SMTNL1: variants seen among roughly 807,000 people sequenced by gnomAD.
The protein encoded by SMTNL1 is smoothelin-like protein 1.
SMTNL1 carries 41 observed loss-of-function variants against 46.6 expected under a neutral mutation model. The ratio of observed to expected loss-of-function variants is 0.88; its 90% CI spans 0.69 to 1.14. The LOEUF is 1.14. SMTNL1 is among the 50% of genes most tolerant of loss of function. The pLI, the probability that SMTNL1 is intolerant of heterozygous loss-of-function variation, is 0.00. For missense variants in SMTNL1, 591 were observed against 626.1 expected, an observed-to-expected ratio of 0.94 and a Z score of 0.60; for synonymous variants, 234 against 234.2, an observed-to-expected ratio of 1.00 and a Z score of 0.01.
intron 7 of SMTNL1, among the ~76,000 whole-genome samples, chr11:57,549,758 G>T (rs990747293): frequency 6.6e-6 from 1 of 152,156 alleles, no homozygotes; most frequent in Non-Finnish European, 1.5e-5. Context: ...GGAAGCCACA[G>T]CACCTGGCCT....
At chr11:57,539,367 A>T (rs1944856122) in intron 1 of SMTNL1, among the ~76,000 whole-genome samples, 1 of 152,164 alleles carries the variant, frequency 6.6e-6, no homozygotes, top group Admixed American at 6.5e-5. Flanking sequence ...TTAAAAATAA[A>T]AGATGACTGG....
At chr11:57,538,099 G>A (rs371815548) in intron 1 of SMTNL1, among the ~76,000 whole-genome samples, 2 of 150,526 alleles carry the variant, frequency 1.3e-5, no homozygotes, top group African/African-American at 4.9e-5. Context: ...TTTTACATGT[G>A]GCCCAAGACA....
At chr11:57,549,325 C>T (rs986505033) in intron 7 of SMTNL1, among the ~76,000 whole-genome samples, 1 of 151,876 alleles carries the variant, frequency 6.6e-6, no homozygotes, top group Non-Finnish European at 1.5e-5. Flanking sequence ...CACACCTGGC[C>T]CCTTTAAATT....
At chr11:57,539,495 G>C (rs1240065041) in intron 1 of SMTNL1, among the ~76,000 whole-genome samples, 3 of 152,336 alleles carry the variant, frequency 2.0e-5, no homozygotes, top group Middle Eastern at 3.4e-3. Context: ...TGCCCTCAAG[G>C]CTGGGTCAGG....
chr11:57,548,894 C>G (rs1944939093), intron 7 of SMTNL1, among the ~76,000 whole-genome samples: 1 of 152,104 alleles, frequency 6.6e-6, no homozygotes, highest in Non-Finnish European at 1.5e-5. Context: ...TTCTCAGAGC[C>G]TGGAAGAGGG....
intron 1 of SMTNL1, among the ~76,000 whole-genome samples, chr11:57,541,197 TC>T (rs1944874368): frequency 6.6e-6 from 1 of 152,186 alleles, no homozygotes; most frequent in South Asian, 2.1e-4. Context: ...AAAAGCCCTA[TC>T]CCTGTCTTCT....
intron 7 of SMTNL1, among the ~76,000 whole-genome samples, chr11:57,548,435 C>T (rs968067213): frequency 6.6e-6 from 1 of 152,032 alleles, no homozygotes; most frequent in African/African-American, 2.4e-5. Context: ...TTTAGGAGAC[C>T]GAGGCGTGGG....
In SMTNL1 at chr11:57,546,295, G is replaced by T; in HGVS notation, c.1136G>T (p.Gly379Val). Residue 379 changes from glycine (G) to valine (V), a missense_variant, in exon 6 of 8, where the codon GGT becomes GTT. Transcript: ENST00000527972. ...NTKAAGAAIGGVKNMLLEWCR... is the reference protein window; with the variant it reads ...NTKAAGAAIGVVKNMLLEWCR... ...AAGGCAGCCGGGGCAGCCATTGGTG[G>T]TGTCAAGAACATGCTCTTGGAGTGG... The T allele has an allele frequency of 6.2e-7, 1 of 1,611,774 alleles. No individual in the cohort carries two copies. The highest frequency in any genetic ancestry group is 8.5e-7 in the Non-Finnish European group (1 of 1,179,080).
chr11:57,542,612 G>T, intron 1 of SMTNL1, 29 bp from the exon 2 acceptor site: 2 of 1,571,386 alleles, frequency 1.3e-6, no homozygotes, highest in South Asian at 2.4e-5. Flanking sequence ...GCTGGGGCAT[G>T]ACCAGGTCTG....
intron 4 of SMTNL1, among the ~76,000 whole-genome samples, chr11:57,544,329 G>C (rs556106748): frequency 1.3e-5 from 2 of 152,280 alleles, no homozygotes; most frequent in Non-Finnish European, 2.9e-5. Flanking sequence ...GCAGTGAGCC[G>C]AGATTGCGCC....
In SMTNL1 at chr11:57,543,154, C is replaced by T. The variant is rs761011634; in HGVS notation, c.512C>T (p.Ala171Val). The change falls in exon 2 of 8, where the codon GCC becomes GTC. Residue 171 changes from alanine to valine, a missense_variant. Transcript: ENST00000527972. ...EPKATVEEED[A>V]KTASQEETGQ... is the part of the protein sequence containing the mutation. ...AAGGCAACAGTTGAGGAGGAGGACGCCAAGACAGCCTCTCAGGAGGAGACA... is the reference window on the plus strand; with the variant it reads ...AAGGCAACAGTTGAGGAGGAGGACGTCAAGACAGCCTCTCAGGAGGAGACA... 3 of 1,613,538 alleles carry T rather than the reference C, an allele frequency of 1.9e-6. No individual in the cohort carries two copies. Among genetic ancestry groups the T allele is most frequent in the Non-Finnish European group, 8.5e-7 (1 of 1,179,666 alleles).
intron 2 of SMTNL1, 33 bp downstream of exon 2, chr11:57,543,407 T>C: frequency 6.3e-7 from 1 of 1,592,570 alleles, no homozygotes; most frequent in Non-Finnish European, 8.6e-7. Context: ...AAGGAGGCTC[T>C]GTCGTCTCCT....
chr11:57,542,581 G>T, intron 1 of SMTNL1, 60 bp from the exon 2 acceptor site: 1 of 1,518,944 alleles, frequency 6.6e-7, no homozygotes, highest in Admixed American at 2.2e-5. Context: ...CTCTGAGGGT[G>T]GGGTCTTCAC....
intron 7 of SMTNL1, among the ~76,000 whole-genome samples, chr11:57,549,145 C>G (rs1944941179): frequency 1.3e-5 from 2 of 152,084 alleles, no homozygotes; most frequent in South Asian, 4.2e-4. Context: ...CATGCCTCAG[C>G]CTCCCGAGTA....
chr11:57,545,805 G>C, intron 4 of SMTNL1, 76 bp from the exon 5 acceptor site: 308 of 728,550 alleles, frequency 4.2e-4, no homozygotes, highest in Non-Finnish European at 6.0e-4. Flanking sequence ...CCACCCTCCA[G>C]CCCCACAGCC....
intron 7 of SMTNL1, among the ~76,000 whole-genome samples, chr11:57,548,199 C>T (rs1333472398): frequency 6.6e-6 from 1 of 152,150 alleles, no homozygotes; most frequent in Non-Finnish European, 1.5e-5. Context: ...TCACAGAGCC[C>T]CAAAGGGCAG....
At chr11:57,539,273 G>A (rs931827569) in intron 1 of SMTNL1, among the ~76,000 whole-genome samples, 3 of 152,138 alleles carry the variant, frequency 2.0e-5, no homozygotes, top group South Asian at 2.1e-4. Context: ...GGGAAGATCC[G>A]TTGAGTCCAG....
At chr11:57,543,821 A>G (rs1944901656) in intron 3 of SMTNL1, 48 bp from the exon 4 acceptor site, 1 of 1,564,716 alleles carries the variant, frequency 6.4e-7, no homozygotes, top group African/African-American at 1.4e-5. Flanking sequence ...CGCAAGAAGC[A>G]TGCCATGGAT....
intron 7 of SMTNL1, among the ~76,000 whole-genome samples, chr11:57,549,410 G>T (rs1223869199): frequency 1.3e-5 from 2 of 152,186 alleles, no homozygotes; most frequent in Admixed American, 1.3e-4. Context: ...GAAGTGGTGG[G>T]TTAATGTAGA....
Sources: allele counts gnomAD v4.1 joint callset (sites outside exome capture counted in the v4.1 genomes callset), GRCh38; gene constraint gnomAD v4.1.1; transcripts MANE v1.5; gene names NCBI Gene and HGNC (gene_info 2026-07-23, HGNC 2026-07-21).